Variants in NOL10 observed in about 807,000 individuals in gnomAD.
The protein encoded by NOL10 is H_NH0074G24.1.
Under a neutral mutation model 103.5 loss-of-function variants are expected in NOL10, and 58 were observed. The ratio of observed to expected loss-of-function variants is 0.56; its 90% CI spans 0.45 to 0.70. NOL10 has a LOEUF of 0.70. Among genes scored for constraint, NOL10 ranks in the 30% least tolerant of loss-of-function variants. The probability of loss-of-function intolerance (pLI) is 0.00; values close to 1 mark genes in which losing one functional copy is unlikely to be tolerated. For synonymous variants in NOL10, 287 were observed against 282.5 expected, an observed-to-expected ratio of 1.02 and a Z score of -0.16; for missense variants, 763 against 807.3, an observed-to-expected ratio of 0.95 and a Z score of 0.67.
intron 12 of NOL10, among the ~76,000 whole-genome samples, chr2:10,649,907 A>ATTTG: frequency 6.6e-6 from 1 of 152,222 alleles, no homozygotes; most frequent in Non-Finnish European, 1.5e-5. Flanking sequence ...TCCATGTCAT[A>ATTTG]AAATATTACT....
chr2:10,639,561 T>C (rs1678559223), intron 13 of NOL10, among the ~76,000 whole-genome samples: 1 of 152,158 alleles, frequency 6.6e-6, no homozygotes, highest in Admixed American at 6.5e-5. Context: ...AGTGCCCTGA[T>C]ATGCTAGGGG....
At chr2:10,601,786 G>A (rs1199221939) in intron 16 of NOL10, among the ~76,000 whole-genome samples, 1 of 152,132 alleles carries the variant, frequency 6.6e-6, no homozygotes. Context: ...ACTCCACCAT[G>A]GGCAACAAAG....
intron 6 of NOL10, among the ~76,000 whole-genome samples, chr2:10,669,453 A>G (rs969556136): frequency 2.8e-5 from 4 of 142,752 alleles, no homozygotes; most frequent in South Asian, 2.1e-4. Flanking sequence ...ATATATATAT[A>G]TATTTTTATT....
intron 3 of NOL10, among the ~76,000 whole-genome samples, chr2:10,677,356 A>C (rs1214403537): frequency 6.6e-6 from 1 of 152,166 alleles, no homozygotes; most frequent in Non-Finnish European, 1.5e-5. Context: ...TCCAACAAAG[A>C]CATCTTAAAA....
At chr2:10,593,768 G>A (rs1675519425) in intron 17 of NOL10, among the ~76,000 whole-genome samples, 1 of 152,162 alleles carries the variant, frequency 6.6e-6, no homozygotes, top group South Asian at 2.1e-4. Context: ...GCCACAAGGA[G>A]GGGAGGGCAA....
chr2:10,615,942 T>C (rs1257124855), intron 13 of NOL10, among the ~76,000 whole-genome samples: 4 of 152,054 alleles, frequency 2.6e-5, no homozygotes, highest in African/African-American at 7.2e-5. Context: ...ACTTGAGCTG[T>C]GGGGCTAAAG....
At chr2:10,588,059 C>G (rs1675207163) in intron 19 of NOL10, among the ~76,000 whole-genome samples, 1 of 152,140 alleles carries the variant, frequency 6.6e-6, no homozygotes, top group South Asian at 2.1e-4. Flanking sequence ...TCTTGTGCAT[C>G]AATACTTTGC....
chr2:10,652,033 A>T (rs891241100), intron 12 of NOL10, among the ~76,000 whole-genome samples: 6 of 152,066 alleles, frequency 3.9e-5, no homozygotes, highest in Non-Finnish European at 8.8e-5. Context: ...CGAGGTCAGG[A>T]GTTCGAGACC....
intron 20 of NOL10, 39 bp downstream of exon 20, chr2:10,577,597 C>G (rs1181159862): frequency 1.4e-6 from 2 of 1,443,598 alleles, no homozygotes; most frequent in East Asian, 4.6e-5. Context: ...GGCTATTTTT[C>G]TTTTGTGAAT....
intron 11 of NOL10, among the ~76,000 whole-genome samples, 162 bp from the exon 12 acceptor site, chr2:10,654,709 CT>C (rs992521012): frequency 6.6e-6 from 1 of 152,072 alleles, no homozygotes; most frequent in African/African-American, 2.4e-5. Context: ...GAGAATTTAT[CT>C]TATCAATTTA....
intron 13 of NOL10, among the ~76,000 whole-genome samples, chr2:10,616,921 A>G (rs991578708): frequency 6.6e-6 from 1 of 152,158 alleles, no homozygotes; most frequent in African/African-American, 2.4e-5. Flanking sequence ...TTACCTCCCC[A>G]TTCACTTATT....
At chr2:10,588,312 C>G (rs1303019861) in intron 19 of NOL10, among the ~76,000 whole-genome samples, 1 of 152,174 alleles carries the variant, frequency 6.6e-6, no homozygotes, top group African/African-American at 2.4e-5. Context: ...TGTTGTACAA[C>G]CACCACTACC....
At chr2:10,670,117 T>A (rs1252983044) in intron 6 of NOL10, among the ~76,000 whole-genome samples, 1 of 152,094 alleles carries the variant, frequency 6.6e-6, no homozygotes, top group African/African-American at 2.4e-5. Context: ...GCAATAGGGC[T>A]AAGAAACTGA....
intron 13 of NOL10, among the ~76,000 whole-genome samples, chr2:10,633,797 G>C (rs1029476869): frequency 6.7e-6 from 1 of 148,720 alleles, no homozygotes; most frequent in African/African-American, 2.5e-5. Context: ...ATATGTATGT[G>C]TGTGTGTGTG....
chr2:10,612,963 C>T (rs1269726414), intron 13 of NOL10, among the ~76,000 whole-genome samples: 1 of 149,104 alleles, frequency 6.7e-6, no homozygotes, highest in Non-Finnish European at 1.5e-5. Context: ...ATGATCACGC[C>T]ACTGCATTCC....
intron 4 of NOL10, among the ~76,000 whole-genome samples, chr2:10,674,935 G>C (rs572310207): frequency 1.3e-4 from 20 of 152,340 alleles, no homozygotes; most frequent in South Asian, 4.1e-4. Context: ...TGGGTGCAGT[G>C]GCTCATGCCT....
At chr2:10,656,838 C>T (rs1657797088) in intron 11 of NOL10, among the ~76,000 whole-genome samples, 1 of 152,200 alleles carries the variant, frequency 6.6e-6, no homozygotes. Flanking sequence ...CTCTTAAAAA[C>T]ATAGCTATAC....
intron 1 of NOL10, among the ~76,000 whole-genome samples, chr2:10,684,865 G>A (rs1472896081): frequency 6.6e-6 from 1 of 152,044 alleles, no homozygotes; most frequent in Non-Finnish European, 1.5e-5. Context: ...AGGGTCTCAT[G>A]CTTGCCCAGT....
chr2:10,602,352 T>A (rs779964335), intron 16 of NOL10, among the ~76,000 whole-genome samples: 12 of 152,252 alleles, frequency 7.9e-5, no homozygotes, highest in Admixed American at 7.9e-4. Flanking sequence ...TTAAATTCTA[T>A]GTACTCAGAC....
Sources: gnomAD v4.1 joint callset for allele counts (sites outside exome capture counted in the v4.1 genomes callset) on GRCh38, gnomAD v4.1.1 for gene constraint, MANE v1.5 for transcripts, NCBI Gene and HGNC (gene_info 2026-07-23, HGNC 2026-07-21) for gene names.